CTNNA2: variants seen among roughly 807,000 people sequenced by gnomAD.
The protein encoded by CTNNA2 is catenin alpha-2.
Under a neutral mutation model 101.0 loss-of-function variants are expected in CTNNA2, and 42 were observed. That is an observed-to-expected ratio of 0.42 (90% CI 0.32 to 0.54). CTNNA2 has a LOEUF of 0.54. Ranked by LOEUF, CTNNA2 falls within the 20% of genes least tolerant of loss-of-function variation. The pLI is 0.14. For missense variants in CTNNA2, 871 were observed against 1,223.1 expected (o/e 0.71, Z 4.29); for synonymous variants, 450 against 456.4 (o/e 0.99, Z 0.18).
intron 2 of CTNNA2, among the ~76,000 whole-genome samples, chr2:79,669,878 A>G (rs900185485): frequency 6.6e-6 from 1 of 152,154 alleles, no homozygotes; most frequent in Non-Finnish European, 1.5e-5. Flanking sequence ...GGCGGCCAGC[A>G]AGAGGCACCA....
At chr2:80,454,460 C>A (rs1269653612) in intron 9 of CTNNA2, among the ~76,000 whole-genome samples, 4 of 152,092 alleles carry the variant, frequency 2.6e-5, no homozygotes, top group Non-Finnish European at 5.9e-5. Context: ...TGTAGTCCAT[C>A]CCCAAAGAGA....
chr2:80,021,511 T>C (rs1694562177), intron 7 of CTNNA2, among the ~76,000 whole-genome samples: 1 of 151,992 alleles, frequency 6.6e-6, no homozygotes, highest in South Asian at 2.1e-4. Context: ...TCAAAGACCC[T>C]CCTCAAAGAC....
At chr2:79,320,260 A>T (rs975547542) in intron 3 of CTNNA2, among the ~76,000 whole-genome samples, 3 of 119,786 alleles carry the variant, frequency 2.5e-5, no homozygotes, top group Admixed American at 9.3e-5. Flanking sequence ...TTACGTTTCA[A>T]TTTTTTTTTT....
intron 7 of CTNNA2, among the ~76,000 whole-genome samples, chr2:80,075,627 TTTATACATGTATAAA>T (rs1698658343): frequency 9.6e-6 from 1 of 103,980 alleles, no homozygotes; most frequent in African/African-American, 3.5e-5. Flanking sequence ...AATATAAATA[TTTATACATGTATAAA>T]TATTATAAAA....
chr2:79,897,884 G>C (rs977328556), intron 6 of CTNNA2, among the ~76,000 whole-genome samples: 1 of 152,126 alleles, frequency 6.6e-6, no homozygotes, highest in African/African-American at 2.4e-5. Flanking sequence ...GCTGGATCCT[G>C]GTATGGCGGA....
chr2:80,553,569 A>G (rs1265674726), intron 11 of CTNNA2, among the ~76,000 whole-genome samples: 1 of 152,190 alleles, frequency 6.6e-6, no homozygotes, highest in Non-Finnish European at 1.5e-5. Context: ...TATCTAATAT[A>G]ATTAACAGAC....
At chr2:79,299,370 G>A (rs1029489379) in intron 2 of CTNNA2, among the ~76,000 whole-genome samples, 1 of 152,148 alleles carries the variant, frequency 6.6e-6, no homozygotes, top group East Asian at 1.9e-4. Flanking sequence ...CAGCGTCATA[G>A]GCTACAAGAT....
Position 80,302,082 on chromosome 2 carries a change from T to A in CTNNA2, c.1057-91129T>A, listed in dbSNP as rs1016844278. 4 of 905,254 alleles carry A rather than the reference T, an allele frequency of 4.4e-6. No homozygotes were observed. The African/African-American group carries it at 6.7e-5, about 15-fold the overall frequency. 56.1% of individuals were successfully genotyped at this position (905,254 alleles called of 1,614,324 possible). ...TTGTGTTTTAATTCGCTTTTGTTTT[T>A]AAGACACAATAAAGCTAAAATGTCA... is the stretch of plus-strand genomic sequence containing the variant. On this transcript the variant is annotated intron_variant, in intron 7 of 18. Transcript: ENST00000402739. The surrounding 1 kb of genome is among the most constrained non-coding windows in gnomAD (Gnocchi z 6.4).
chr2:79,255,394 A>T (rs911224226), intron 2 of CTNNA2, among the ~76,000 whole-genome samples: 2 of 152,210 alleles, frequency 1.3e-5, no homozygotes, highest in Non-Finnish European at 1.5e-5. Flanking sequence ...AGTAGAAGGT[A>T]AATTATACAT....
At chr2:80,361,223 C>T (rs1674375820) in intron 7 of CTNNA2, among the ~76,000 whole-genome samples, 1 of 152,050 alleles carries the variant, frequency 6.6e-6, no homozygotes, top group Non-Finnish European at 1.5e-5. Context: ...CAGGCCTTCT[C>T]AGTAAATCAT....
intron 15 of CTNNA2, among the ~76,000 whole-genome samples, chr2:80,594,821 T>TTATATA (rs142206436): frequency 1.7e-4 from 26 of 151,338 alleles, no homozygotes; most frequent in African/African-American, 6.1e-4. Flanking sequence ...TCATTTGACC[T>TTATATA]TATATATATA....
At chr2:79,300,307 T>A (rs551223240) in intron 2 of CTNNA2, among the ~76,000 whole-genome samples, 2 of 152,296 alleles carry the variant, frequency 1.3e-5, no homozygotes, top group South Asian at 4.1e-4. Context: ...TGGGATTCTT[T>A]TACTTACCTT....
At chr2:80,313,539 A>G (rs1224781860) in intron 7 of CTNNA2, 2 of 1,608,586 alleles carry the variant, frequency 1.2e-6, no homozygotes, top group East Asian at 4.5e-5. Context: ...GACCAGGTAG[A>G]GGAAGGAAGA....
intron 7 of CTNNA2, among the ~76,000 whole-genome samples, chr2:80,193,741 T>C (rs1291249627): frequency 6.6e-6 from 1 of 152,180 alleles, no homozygotes; most frequent in Non-Finnish European, 1.5e-5. Flanking sequence ...CTCCAGGAAT[T>C]AGAGAAGGTC....
chr2:79,284,292 C>G, intron 2 of CTNNA2, among the ~76,000 whole-genome samples: 1 of 57,260 alleles, frequency 1.7e-5, no homozygotes, highest in East Asian at 5.3e-4. Context: ...ACTTCCAACA[C>G]TATGTTGAAT....
intron 7 of CTNNA2, among the ~76,000 whole-genome samples, chr2:80,385,187 C>T (rs1429398350): frequency 6.6e-6 from 1 of 152,070 alleles, no homozygotes; most frequent in African/African-American, 2.4e-5. Flanking sequence ...TTGAAACCTC[C>T]AATGTGATGG....
At chr2:79,627,674 A>C (rs1374315757) in intron 1 of CTNNA2, among the ~76,000 whole-genome samples, 1 of 152,196 alleles carries the variant, frequency 6.6e-6, no homozygotes, top group Non-Finnish European at 1.5e-5. Context: ...ACTATAGTGT[A>C]CTTTTACAGT....
intron 7 of CTNNA2, among the ~76,000 whole-genome samples, chr2:80,168,887 T>G (rs984429337): frequency 5.3e-5 from 8 of 152,150 alleles, no homozygotes; most frequent in Admixed American, 3.9e-4. Context: ...CAAACCAAAT[T>G]TTCTTCTCCC....
chr2:79,678,415 G>A (rs909662809), intron 2 of CTNNA2, among the ~76,000 whole-genome samples: 1 of 151,856 alleles, frequency 6.6e-6, no homozygotes, highest in Non-Finnish European at 1.5e-5. Flanking sequence ...TGGTGATGTA[G>A]TTCCAGATAC....
Sources: allele counts gnomAD v4.1 joint callset (sites outside exome capture counted in the v4.1 genomes callset), GRCh38; gene constraint gnomAD v4.1.1; non-coding constraint Gnocchi (gnomAD v3.1); transcripts MANE v1.5; gene names NCBI Gene and HGNC (gene_info 2026-07-23, HGNC 2026-07-21).